The following DAPK1 variants were observed in gnomAD, a reference collection of about 807,000 sequenced individuals.
DAPK1 encodes death associated protein kinase 1, also known as death-associated protein kinase 1.
DAPK1 carries 56 observed loss-of-function variants against 144.9 expected under a neutral mutation model. The ratio of observed to expected loss-of-function variants is 0.39; its 90% confidence interval spans 0.31 to 0.48. The LOEUF (loss-of-function observed/expected upper bound fraction) is 0.48, where lower values mean the gene tolerates loss of function less well. Among genes scored for constraint, DAPK1 ranks in the 20% least tolerant of loss-of-function variants. DAPK1 has a pLI of 0.95. For missense variants in DAPK1, 1,454 were observed against 1,875.4 expected, an observed-to-expected ratio of 0.78 and a Z score of 4.15; for synonymous variants, 690 against 749.0, an observed-to-expected ratio of 0.92 and a Z score of 1.29.
At chr9:87,673,800 G>A (rs888383243) in intron 19 of DAPK1, among the ~76,000 whole-genome samples, 8 of 152,176 alleles carry the variant, frequency 5.3e-5, no homozygotes, top group Non-Finnish European at 1.0e-4. Flanking sequence ...AAATGCTAGA[G>A]ATGAAGTCTG....
rs1039268779 is a variant in DAPK1, at chr9:87,703,292, G to A, written c.3060+75G>A. The A allele has an allele frequency of 6.1e-6, 5 of 819,292 alleles. No homozygotes were observed. In the East Asian group the frequency reaches 1.3e-4, roughly 21 times the overall value. 50.8% of individuals were successfully genotyped at this position (819,292 alleles called of 1,614,324 possible). On this transcript the variant is annotated intron_variant, in intron 25 of 25. Coordinates refer to ENST00000408954, the MANE Select transcript of DAPK1 (RefSeq NM_004938.4). ...CAGCCTGTCCCAAATTCCAGCTCTT[G>A]GAAGTGGTGTGAGCCTGGGGAAGCA... is the stretch of plus-strand genomic sequence containing the variant.
intron 2 of DAPK1, among the ~76,000 whole-genome samples, chr9:87,576,413 A>T (rs560553417): frequency 6.6e-6 from 1 of 152,236 alleles, no homozygotes; most frequent in South Asian, 2.1e-4. Context: ...GCTTCTGGGG[A>T]TAGTTTTATC....
intron 19 of DAPK1, among the ~76,000 whole-genome samples, chr9:87,680,403 T>C (rs1021309136): frequency 7.2e-5 from 11 of 152,130 alleles, no homozygotes; most frequent in Non-Finnish European, 1.2e-4. Flanking sequence ...CCGCACCCGA[T>C]TTGTTGTAGG....
intron 17 of DAPK1, among the ~76,000 whole-genome samples, chr9:87,652,917 G>A (rs978963011): frequency 1.4e-5 from 2 of 138,638 alleles, no homozygotes; most frequent in Non-Finnish European, 3.2e-5. Flanking sequence ...TCCTGATTCT[G>A]TGTTCTCTCA....
chr9:87,606,959 T>C (rs1264938254), intron 3 of DAPK1, among the ~76,000 whole-genome samples: 1 of 151,656 alleles, frequency 6.6e-6, no homozygotes, highest in Non-Finnish European at 1.5e-5. Flanking sequence ...CCTACTAGAT[T>C]CCAGTAGCAC....
chr9:87,612,361 T>C (rs1828960243), intron 3 of DAPK1, among the ~76,000 whole-genome samples: 1 of 152,172 alleles, frequency 6.6e-6, no homozygotes, highest in African/African-American at 2.4e-5. Flanking sequence ...CTGGTGTCCT[T>C]ATAAGAAGGC....
intron 2 of DAPK1, among the ~76,000 whole-genome samples, chr9:87,510,001 T>A (rs1176392897): frequency 6.6e-6 from 1 of 152,206 alleles, no homozygotes; most frequent in Non-Finnish European, 1.5e-5. Flanking sequence ...ATATTTACAG[T>A]TCGCCCATTT....
In DAPK1 at chr9:87,497,982, A is replaced by T. The variant is rs1161799598; in HGVS notation, c.-234A>T. 2.5e-6 allele frequency: 1 copy of T among 396,962 alleles called. No homozygotes were observed. The highest frequency in any genetic ancestry group is 4.4e-6 in the Non-Finnish European group (1 of 225,432). 24.6% of individuals were successfully genotyped at this position (396,962 alleles called of 1,614,324 possible). ...GGTCTGGGGCCGGCGCCTGGGAGGG[A>T]TCTGCGCCCCCCACTCACTCCCTAG... is the stretch of plus-strand genomic sequence containing the variant. On this transcript the variant is annotated 5_prime_UTR_variant, in exon 1 of 26. Coordinates refer to ENST00000408954, the MANE Select transcript of DAPK1 (RefSeq NM_004938.4).
intron 3 of DAPK1, among the ~76,000 whole-genome samples, chr9:87,615,400 A>G (rs182684305): frequency 7.9e-4 from 120 of 152,386 alleles, no homozygotes; most frequent in African/African-American, 2.9e-3. Flanking sequence ...GAATGAAGGC[A>G]GTGACCGAGC....
intron 3 of DAPK1, chr9:87,633,441 T>G: frequency 1.1e-6 from 1 of 949,668 alleles, no homozygotes; most frequent in Non-Finnish European, 1.3e-6. Context: ...TCTCCTAACC[T>G]TTCTAATGTC....
At chr9:87,561,775 G>A (rs1826935341) in intron 2 of DAPK1, among the ~76,000 whole-genome samples, 1 of 152,180 alleles carries the variant, frequency 6.6e-6, no homozygotes, top group African/African-American at 2.4e-5. Context: ...ATCCAGAAGT[G>A]GGGCTGTGTG....
chr9:87,535,277 C>G (rs887781451), intron 2 of DAPK1, among the ~76,000 whole-genome samples: 1 of 152,120 alleles, frequency 6.6e-6, no homozygotes, highest in Non-Finnish European at 1.5e-5. Context: ...GTTCTCCAGG[C>G]ATCATCAAGC....
chr9:87,637,801 A>ATTC (rs1199533175), intron 3 of DAPK1, 142 bp from the exon 4 acceptor site: 2 of 916,390 alleles, frequency 2.2e-6, no homozygotes, highest in African/African-American at 3.3e-5. Context: ...TGCACAGAGA[A>ATTC]TTCTGAATCC....
chr9:87,704,937 A>C (rs1229579527), intron 25 of DAPK1, among the ~76,000 whole-genome samples: 1 of 152,016 alleles, frequency 6.6e-6, no homozygotes, highest in Non-Finnish European at 1.5e-5. Flanking sequence ...GTTTTTTGTC[A>C]CTTTTTTTTC....
chr9:87,627,757 A>G (rs1247508391), intron 3 of DAPK1, among the ~76,000 whole-genome samples: 1 of 152,174 alleles, frequency 6.6e-6, no homozygotes, highest in African/African-American at 2.4e-5. Context: ...CCACATCAGA[A>G]TCCCATGCCT....
intron 2 of DAPK1, among the ~76,000 whole-genome samples, chr9:87,575,959 A>C (rs1827540985): frequency 6.6e-6 from 1 of 152,354 alleles, no homozygotes; most frequent in Non-Finnish European, 1.5e-5. Context: ...AGACCCAGCT[A>C]TGCCTGGGAG....
chr9:87,698,827 G>C (rs779778355), intron 23 of DAPK1, 33 bp downstream of exon 23: 1 of 1,420,330 alleles, frequency 7.0e-7, no homozygotes, highest in Non-Finnish European at 1.0e-6. Flanking sequence ...CCAGCTCACG[G>C]GTAGCCTCCT....
chr9:87,665,572 T>G (rs1252618237), intron 18 of DAPK1, among the ~76,000 whole-genome samples: 6 of 152,232 alleles, frequency 3.9e-5, no homozygotes, highest in African/African-American at 7.2e-5. Context: ...TCTGTTCCTT[T>G]GCGAAGCATA....
At chr9:87,555,562 G>A (rs1826680581) in intron 2 of DAPK1, among the ~76,000 whole-genome samples, 2 of 151,672 alleles carry the variant, frequency 1.3e-5, no homozygotes, top group South Asian at 4.1e-4. Context: ...GGAGTGCAAT[G>A]GTGTGATCTC....
Sources: gnomAD v4.1 joint callset for allele counts (sites outside exome capture counted in the v4.1 genomes callset) on GRCh38, gnomAD v4.1.1 for gene constraint, MANE v1.5 for transcripts, NCBI Gene and HGNC (gene_info 2026-07-23, HGNC 2026-07-21) for gene names.